The following SPRR2B variants were observed in gnomAD, a reference collection of about 807,000 sequenced individuals.
SPRR2B encodes small proline rich protein 2B.
A neutral mutation model predicts 1.0 loss-of-function variants in SPRR2B; 1 was observed. That is an observed-to-expected ratio of 1.01 (90% CI 0.36 to 4.77). The LOEUF (loss-of-function observed/expected upper bound fraction) is 4.77. SPRR2B is among the 30% of genes most tolerant of loss of function. The pLI, the probability that SPRR2B is intolerant of heterozygous loss-of-function variation, is 0.16. For synonymous variants in SPRR2B, 27 were observed against 33.4 expected (o/e 0.81, Z 0.66); for missense variants, 53 against 88.7 (o/e 0.60, Z 1.62).
upstream of SPRR2B, among the ~76,000 whole-genome samples, chr1:153,074,412 A>G (rs903238206): frequency 6.6e-6 from 1 of 152,228 alleles, no homozygotes; most frequent in Non-Finnish European, 1.5e-5. Flanking sequence ...AGCTCAGAGA[A>G]AGGGTAACTG....
chr1:153,073,803 T>C (rs776118655), upstream of SPRR2B, among the ~76,000 whole-genome samples: 62 of 152,168 alleles, frequency 4.1e-4, no homozygotes, highest in Non-Finnish European at 8.1e-4. Context: ...AAGAGTCTGA[T>C]AGCCTTAGGT....
upstream of SPRR2B, among the ~76,000 whole-genome samples, chr1:153,074,905 C>T (rs188492378): frequency 7.9e-5 from 12 of 152,262 alleles, no homozygotes; most frequent in East Asian, 2.3e-3. Context: ...ATGGAAGCAG[C>T]AGTTGTTTTA....
chr1:153,074,624 G>C (rs689008), upstream of SPRR2B, among the ~76,000 whole-genome samples: 86,147 of 152,046 alleles, frequency 0.57, 25,202 homozygotes, highest in African/African-American at 0.72. Context: ...AGCATGACAT[G>C]ATTCTCATCA....
At chr1:153,085,507 A>C in the SPRR2B span, among the ~76,000 whole-genome samples, 1 of 152,248 alleles carries the variant, frequency 6.6e-6, no homozygotes, top group African/African-American at 2.4e-5. Flanking sequence ...GAATGAATGA[A>C]GCCTCAGAAA....
chr1:153,087,793 C>T, the SPRR2B span, among the ~76,000 whole-genome samples: 1 of 152,144 alleles, frequency 6.6e-6, no homozygotes, highest in African/African-American at 2.4e-5. Flanking sequence ...AAAACAAATT[C>T]ATAGCTGAAT....
chr1:153,079,253 T>C, the SPRR2B span, among the ~76,000 whole-genome samples: 53,460 of 151,950 alleles, frequency 0.35, 10,355 homozygotes, highest in Non-Finnish European at 0.45. Flanking sequence ...TCAGTGTGGA[T>C]TCTGGATATT....
the SPRR2B span, among the ~76,000 whole-genome samples, chr1:153,082,159 A>G: frequency 6.6e-6 from 1 of 152,206 alleles, no homozygotes; most frequent in Non-Finnish European, 1.5e-5. Context: ...AAATATTTTC[A>G]AGTATACACA....
chr1:153,080,644 C>T, the SPRR2B span, among the ~76,000 whole-genome samples: 19 of 152,108 alleles, frequency 1.2e-4, no homozygotes, highest in African/African-American at 4.3e-4. Context: ...TGAACTGTAA[C>T]ATAGGATGAG....
the SPRR2B span, among the ~76,000 whole-genome samples, chr1:153,087,321 A>T: frequency 2.0e-5 from 3 of 152,090 alleles, no homozygotes; most frequent in African/African-American, 7.2e-5. Flanking sequence ...ATGCAAAAAC[A>T]TAACATCACA....
upstream of SPRR2B, among the ~76,000 whole-genome samples, chr1:153,076,579 T>C (rs922675616): frequency 6.6e-6 from 1 of 152,202 alleles, no homozygotes; most frequent in South Asian, 2.1e-4. Flanking sequence ...CTGAAAATTC[T>C]ACTGTAAGTT....
At chr1:153,074,017 G>T (rs1654724754), upstream of SPRR2B, among the ~76,000 whole-genome samples, 1 of 151,958 alleles carries the variant, frequency 6.6e-6, no homozygotes, top group African/African-American at 2.4e-5. Flanking sequence ...TGTAGCTTTG[G>T]CTACTACTAC....
At chr1:153,074,447 C>G (rs549574827), upstream of SPRR2B, among the ~76,000 whole-genome samples, 58 of 152,326 alleles carry the variant, frequency 3.8e-4, 1 homozygote, top group South Asian at 0.011. Context: ...TATCTGTCTT[C>G]TGCTTTTATT....
the SPRR2B span, among the ~76,000 whole-genome samples, chr1:153,087,184 GC>G: frequency 2.6e-5 from 4 of 152,108 alleles, no homozygotes; most frequent in African/African-American, 9.7e-5. Flanking sequence ...AGAGGCTAAG[GC>G]AGGAGAATTG....
the SPRR2B span, among the ~76,000 whole-genome samples, chr1:153,077,694 G>T: frequency 1.0e-4 from 15 of 149,792 alleles, no homozygotes; most frequent in Non-Finnish European, 4.4e-5. Flanking sequence ...TTGGTTCACT[G>T]CAACCTCTGC....
At chr1:153,073,634 A>G (rs191419712), upstream of SPRR2B, among the ~76,000 whole-genome samples, 16 of 151,790 alleles carry the variant, frequency 1.1e-4, no homozygotes, top group Admixed American at 9.9e-4. Flanking sequence ...AGGAGCAGCT[A>G]ACAGTCACAC....
the SPRR2B span, among the ~76,000 whole-genome samples, chr1:153,084,430 A>G: frequency 6.6e-6 from 1 of 152,152 alleles, no homozygotes; most frequent in Non-Finnish European, 1.5e-5. Flanking sequence ...GAGTGAAACT[A>G]GGCACTGGAA....
chr1:153,077,251 A>T, the SPRR2B span, among the ~76,000 whole-genome samples: 1 of 152,236 alleles, frequency 6.6e-6, no homozygotes, highest in African/African-American at 2.4e-5. Flanking sequence ...TAGCTGGCAA[A>T]ATTGTCCTTT....
upstream of SPRR2B, among the ~76,000 whole-genome samples, chr1:153,075,776 C>G (rs1030777105): frequency 5.3e-5 from 8 of 152,020 alleles, no homozygotes; most frequent in African/African-American, 1.9e-4. Context: ...TAAGTGTGTG[C>G]CAGAAGTTTT....
chr1:153,085,470 C>A, the SPRR2B span, among the ~76,000 whole-genome samples: 9 of 151,962 alleles, frequency 5.9e-5, no homozygotes, highest in East Asian at 1.2e-3. Flanking sequence ...GACAGCCAGA[C>A]AAGAAAAGAT....
Sources: gnomAD v4.1 joint callset for allele counts (sites outside exome capture counted in the v4.1 genomes callset) on GRCh38, gnomAD v4.1.1 for gene constraint, MANE v1.5 for transcripts, NCBI Gene and HGNC (gene_info 2026-07-23, HGNC 2026-07-21) for gene names.